The following COLGALT2 variants were observed in gnomAD, a reference collection of about 807,000 sequenced individuals.
COLGALT2 encodes procollagen galactosyltransferase 2.
A neutral mutation model predicts 73.4 loss-of-function variants in COLGALT2; 49 were observed. That is an observed-to-expected ratio of 0.67 (90% confidence interval 0.53 to 0.85). COLGALT2 has a LOEUF of 0.85. COLGALT2 is among the 40% of genes least tolerant of loss of function. The pLI, the probability that COLGALT2 is intolerant of heterozygous loss-of-function variation, is 0.00. For synonymous variants in COLGALT2, 295 were observed against 307.6 expected (o/e 0.96, Z 0.43); for missense variants, 722 against 790.2 (o/e 0.91, Z 1.03).
intron 7 of COLGALT2, among the ~76,000 whole-genome samples, chr1:183,953,864 A>G (rs1340528147): frequency 3.3e-5 from 5 of 152,164 alleles, no homozygotes; most frequent in African/African-American, 1.2e-4. Context: ...AGAAGGCTGT[A>G]CTCTGGGGAC....
intron 8 of COLGALT2, among the ~76,000 whole-genome samples, chr1:183,949,155 T>C (rs1301910337): frequency 6.6e-6 from 1 of 152,172 alleles, no homozygotes; most frequent in East Asian, 1.9e-4. Flanking sequence ...GGAAATATTC[T>C]CCCAGTTGAT....
intron 8 of COLGALT2, among the ~76,000 whole-genome samples, chr1:183,948,494 G>A (rs1205321389): frequency 1.3e-5 from 2 of 152,000 alleles, no homozygotes; most frequent in Admixed American, 6.6e-5. Context: ...TAATAGACAC[G>A]GACAAACCAT....
At chr1:183,962,148 CTCTTTCT>C (rs1670720224) in intron 6 of COLGALT2, among the ~76,000 whole-genome samples, 1 of 127,114 alleles carries the variant, frequency 7.9e-6, no homozygotes, top group Non-Finnish European at 1.6e-5. Context: ...TTTTCTTTTT[CTCTTTCT>C]TTTTTTTTTT....
At position 183,937,601 on chromosome 1, in the gene COLGALT2, C is replaced by T; in HGVS notation, c.*1160G>A. On this transcript the variant is annotated 3_prime_UTR_variant, in exon 12 of 12. Transcript: ENST00000361927. ...TGTTTCCAAATAGTTCAAATCCCCC[C>T]ATCCACAGGCCTCCCCACAAGAGCC... 1.0e-6 allele frequency: 1 copy of T among 985,414 alleles called. No homozygotes were observed. The highest frequency in any genetic ancestry group is 1.7e-5 in the African/African-American group (1 of 57,332). 61.0% of individuals were successfully genotyped at this position (985,414 alleles called of 1,614,324 possible).
At position 183,938,175 on chromosome 1, in the gene COLGALT2, CTACT is replaced by C; in HGVS notation, c.*582_*585del. ...CTCAGTCGGACCCAAATACCCACCC[CTACT>C]GGATAACAGGGACTAAGATTTTTTT... On this transcript the variant is annotated 3_prime_UTR_variant, in exon 12 of 12. Coordinates refer to ENST00000361927, the MANE Select transcript of COLGALT2 (RefSeq NM_015101.4). 1 of 986,128 alleles carries C rather than the reference CTACT, an allele frequency of 1.0e-6. No homozygotes were observed. Among genetic ancestry groups the C allele is most frequent in the Non-Finnish European group, 1.2e-6 (1 of 830,814 alleles). The allele number at this position is 986,128 out of a possible 1,614,324, so 61.1% of individuals were successfully genotyped here.
intron 3 of COLGALT2, among the ~76,000 whole-genome samples, chr1:183,974,497 G>A (rs1337257355): frequency 1.3e-5 from 2 of 152,174 alleles, no homozygotes; most frequent in African/African-American, 4.8e-5. Flanking sequence ...CATTTAAACA[G>A]CTACACAATG....
intron 1 of COLGALT2, among the ~76,000 whole-genome samples, chr1:184,032,133 A>C (rs534332156): frequency 1.3e-5 from 2 of 152,128 alleles, no homozygotes; most frequent in East Asian, 3.9e-4. Flanking sequence ...GGCTTAAGAA[A>C]TCTGCCCACC....
intron 3 of COLGALT2, among the ~76,000 whole-genome samples, chr1:183,974,087 A>G (rs1671126930): frequency 6.6e-6 from 1 of 152,250 alleles, no homozygotes; most frequent in South Asian, 2.1e-4. Context: ...GGTTCATTCA[A>G]AAACACTTAT....
chr1:183,933,080 C>T (rs1464400301), downstream of COLGALT2, among the ~76,000 whole-genome samples: 1 of 152,184 alleles, frequency 6.6e-6, no homozygotes, highest in Non-Finnish European at 1.5e-5. Context: ...CAACTCAACA[C>T]CAACTCAATC....
rs1197063435 is a variant in COLGALT2, at chr1:183,954,788, A to G, written c.1003T>C (p.Tyr335His). 1 of 1,613,252 alleles carries G rather than the reference A, an allele frequency of 6.2e-7. No individual in the cohort carries two copies. The highest frequency in any genetic ancestry group is 1.1e-5 in the South Asian group (1 of 91,076). Residue 335 changes from tyrosine (Y) to histidine (H), a missense_variant, in exon 7 of 12, where the codon TAT becomes CAT. Coordinates refer to ENST00000361927, the MANE Select transcript of COLGALT2 (RefSeq NM_015101.4). The part of the protein sequence containing the change: ...PSQYVSVVPK[Y>H]PDKMGFDEIF... The stretch of plus-strand genomic sequence containing the variant: ...TCATCAAATCCCATCTTGTCTGGAT[A>G]TTTAGGGACAACTGAGACATACTGG...
At chr1:183,976,538 A>G (rs940441314) in intron 2 of COLGALT2, among the ~76,000 whole-genome samples, 2 of 152,028 alleles carry the variant, frequency 1.3e-5, no homozygotes, top group Admixed American at 6.6e-5. Context: ...CTATTTCTAC[A>G]GTTCCTTAAA....
At chr1:183,987,884 C>G (rs1240360359) in intron 1 of COLGALT2, among the ~76,000 whole-genome samples, 2 of 152,146 alleles carry the variant, frequency 1.3e-5, no homozygotes. Flanking sequence ...TGGCTATCTA[C>G]TTTTTAGAGA....
chr1:184,007,363 G>A (rs189773506), intron 1 of COLGALT2, among the ~76,000 whole-genome samples: 1 of 152,136 alleles, frequency 6.6e-6, no homozygotes, highest in Non-Finnish European at 1.5e-5. Flanking sequence ...CTCTAAAAGA[G>A]ATATTTTGAT....
chr1:183,936,148 G>A lies in COLGALT2; in HGVS notation c.*2613C>T, dbSNP rs1238180975. ...ACAGGGTTTAGCCTCCAGAGGCAGAGAGCGGGTGCCAGGCCCAGATGCAAA... is the reference window on the plus strand; with the variant it reads ...ACAGGGTTTAGCCTCCAGAGGCAGAAAGCGGGTGCCAGGCCCAGATGCAAA... On this transcript the variant is annotated 3_prime_UTR_variant, in exon 12 of 12. Coordinates refer to ENST00000361927, the MANE Select transcript of COLGALT2 (RefSeq NM_015101.4). The A allele has an allele frequency of 4.1e-6, 4 of 985,568 alleles. No homozygotes were observed. The highest frequency in any genetic ancestry group is 1.7e-5 in the African/African-American group (1 of 57,266). 61.1% of individuals were successfully genotyped at this position (985,568 alleles called of 1,614,324 possible).
chr1:183,964,984 T>C (rs1670826827), intron 5 of COLGALT2, among the ~76,000 whole-genome samples: 1 of 152,236 alleles, frequency 6.6e-6, no homozygotes, highest in African/African-American at 2.4e-5. Context: ...TTTGTGCAGA[T>C]GAAATTTCCT....
At chr1:183,963,301 A>ATCTT (rs1670767951) in intron 6 of COLGALT2, among the ~76,000 whole-genome samples, 1 of 152,192 alleles carries the variant, frequency 6.6e-6, no homozygotes, top group African/African-American at 2.4e-5. Context: ...ATTGTTTTTC[A>ATCTT]TCTTTAATAT....
rs755333630 is a variant in COLGALT2 at position 184,037,129 on chromosome 1, G to C, written c.229C>G (p.Arg77Gly). The change falls in exon 1 of 12, where the codon CGG becomes GGG. Residue 77 changes from arginine (R) to glycine (G), a missense_variant. Transcript: ENST00000361927. The stretch of plus-strand genomic sequence containing the variant: ...ATCCTGCTCTTGGGGTAGTCCAGCC[G>C]CTCCAGGCAGCCGAGGAAGTGCGGC... ...TLPHFLGCLERLDYPKSRMAI... is the reference protein window; with the variant it reads ...TLPHFLGCLEGLDYPKSRMAI... 56 of 1,597,270 alleles carry C rather than the reference G, an allele frequency of 3.5e-5. No homozygotes were observed.
intron 1 of COLGALT2, among the ~76,000 whole-genome samples, chr1:184,015,082 C>CT (rs1387799209): frequency 1.4e-5 from 2 of 147,488 alleles, no homozygotes; most frequent in Non-Finnish European, 3.0e-5. Flanking sequence ...TGGGATTGGG[C>CT]TTTTTCTAGT....
At chr1:183,933,450 C>A (rs972762993), downstream of COLGALT2, among the ~76,000 whole-genome samples, 1 of 152,220 alleles carries the variant, frequency 6.6e-6, no homozygotes, top group Non-Finnish European at 1.5e-5. Flanking sequence ...ACAATATCAT[C>A]CCCTTCAAGT....
Sources: gnomAD v4.1 joint callset for allele counts (sites outside exome capture counted in the v4.1 genomes callset) on GRCh38, gnomAD v4.1.1 for gene constraint, MANE v1.5 for transcripts, NCBI Gene and HGNC (gene_info 2026-07-23, HGNC 2026-07-21) for gene names.